The following HECTD4 variants were observed in gnomAD, a reference collection of about 807,000 sequenced individuals.
The protein encoded by HECTD4 is probable E3 ubiquitin-protein ligase HECTD4.
HECTD4 carries 114 observed loss-of-function variants against 471.5 expected under a neutral mutation model. That is an observed-to-expected ratio of 0.24 (90% confidence interval 0.21 to 0.28). The LOEUF is 0.28. Among genes scored for constraint, HECTD4 ranks in the 10% least tolerant of loss-of-function variants. The pLI is 1.00. For synonymous variants in HECTD4, 2,012 were observed against 2,256.0 expected, an observed-to-expected ratio of 0.89 and a Z score of 3.07; for missense variants, 3,866 against 5,651.5, an observed-to-expected ratio of 0.68 and a Z score of 10.13.
Position 112,163,457 on chromosome 12 carries a change from A to C in HECTD4, c.12897+85T>G. 8.1e-7 allele frequency: 1 copy of C among 1,230,218 alleles called. No homozygotes were observed. The highest frequency in any genetic ancestry group is 2.6e-5 in the East Asian group (1 of 38,370). 76.2% of individuals were successfully genotyped at this position (1,230,218 alleles called of 1,614,324 possible). ...ACAGAGCTGAGACAGGCCACTGCCGATGCCTGCTGCTGGAGTTGAGGGTGA... is the reference window on the plus strand; with the variant it reads ...ACAGAGCTGAGACAGGCCACTGCCGCTGCCTGCTGCTGGAGTTGAGGGTGA... On this transcript the variant is annotated intron_variant, in intron 74 of 75. Transcript: ENST00000682272. The surrounding 1 kb of genome is among the most constrained non-coding windows in gnomAD (Gnocchi z 8.2).
chr12:112,362,279 G>A (rs1254787099), intron 1 of HECTD4, among the ~76,000 whole-genome samples: 1 of 152,196 alleles, frequency 6.6e-6, no homozygotes, highest in East Asian at 1.9e-4. Flanking sequence ...TGCCCTGGGT[G>A]ATATCCTTGC....
chr12:112,321,489 G>A (rs369028723), intron 1 of HECTD4, among the ~76,000 whole-genome samples: 32 of 152,298 alleles, frequency 2.1e-4, no homozygotes, highest in African/African-American at 7.5e-4. Flanking sequence ...GAGGTGCCTG[G>A]TTCACAGTAG....
intron 1 of HECTD4, among the ~76,000 whole-genome samples, chr12:112,340,709 A>G (rs77377505): frequency 6.6e-6 from 1 of 152,190 alleles, no homozygotes; most frequent in Non-Finnish European, 1.5e-5. Flanking sequence ...CTATTGCCAT[A>G]TGACATTAAG....
At chr12:112,217,589 A>C (rs2032959257) in intron 45 of HECTD4, among the ~76,000 whole-genome samples, 1 of 152,246 alleles carries the variant, frequency 6.6e-6, no homozygotes, top group Non-Finnish European at 1.5e-5. Flanking sequence ...CCTGGGCTCA[A>C]GCTATCTGTC....
At chr12:112,171,644 T>C (rs2031226272) in intron 67 of HECTD4, among the ~76,000 whole-genome samples, 1 of 152,252 alleles carries the variant, frequency 6.6e-6, no homozygotes, top group Non-Finnish European at 1.5e-5. Flanking sequence ...CCAATGGTGA[T>C]GTCATATCAA....
intron 52 of HECTD4, among the ~76,000 whole-genome samples, chr12:112,205,460 C>A (rs1027472564): frequency 2.6e-5 from 4 of 152,022 alleles, no homozygotes; most frequent in African/African-American, 9.7e-5. Context: ...GTAGAAAAAA[C>A]CGAAGTGTTC....
Position 112,229,732 on chromosome 12 carries a change from A to T in HECTD4, c.6485T>A (p.Phe2162Tyr). Residue 2162 changes from phenylalanine (F) to tyrosine (Y), a missense_variant, in exon 41 of 76, where the codon TTC becomes TAC. Physicochemically the swap from Phe to Tyr is conservative, Grantham distance 22. Around this residue, in one of 16 missense-constraint regions of HECTD4, gnomAD observed 617 missense variants for 915.1 expected, o/e 0.67. Transcript: ENST00000682272. The part of the protein sequence containing the change: ...AVAALCALGG[F>Y]KETIKIGSEV... ...GGATCCTATCTTGATTGTCTCTTTG[A>T]AGCCTCCAAGTGCACACAGTGCGGC... 6.2e-7 allele frequency: 1 copy of T among 1,613,860 alleles called. No individual in the cohort carries two copies. Among genetic ancestry groups the T allele is most frequent in the Non-Finnish European group, 8.5e-7 (1 of 1,179,800 alleles).
At chr12:112,216,520 A>T in intron 47 of HECTD4, 149 bp from the exon 48 acceptor site, 1 of 683,030 alleles carries the variant, frequency 1.5e-6, no homozygotes, top group South Asian at 1.9e-5. Flanking sequence ...TACCCACACC[A>T]ATATTTCCCA....
At chr12:112,200,822 TG>T in intron 54 of HECTD4, 24 bp from the exon 55 acceptor site, 1 of 1,601,580 alleles carries the variant, frequency 6.2e-7, no homozygotes, top group Non-Finnish European at 8.5e-7. Flanking sequence ...AGAAAATGTC[TG>T]TTTGTGCTGT....
At position 112,229,693 on chromosome 12, in the gene HECTD4, G is replaced by A. The variant is rs538099327; in HGVS notation, c.6519+5C>T. 41 of 1,605,700 alleles carry A rather than the reference G, an allele frequency of 2.6e-5. No homozygotes were observed. Among genetic ancestry groups the A allele is most frequent in the Non-Finnish European group, 3.4e-5 (40 of 1,174,330 alleles). On this transcript the variant is annotated splice_donor_5th_base_variant and intron_variant, in intron 41 of 75. Coordinates refer to ENST00000682272, the MANE Select transcript of HECTD4 (RefSeq NM_001388303.1). The stretch of plus-strand genomic sequence containing the variant: ...CAATGATTTGGGGAACATGGTGGTT[G>A]GTACCTGAACCTCGGATCCTATCTT...
intron 72 of HECTD4, chr12:112,167,061 A>C: frequency 7.9e-6 from 3 of 380,238 alleles, no homozygotes; most frequent in Non-Finnish European, 9.4e-6. Context: ...TGGCCAGGCA[A>C]TGAGCACCAA....
Position 112,171,268 on chromosome 12 carries a change from G to T in HECTD4, c.11786-5C>A. The T allele has an allele frequency of 6.3e-7, 1 of 1,596,930 alleles. No individual in the cohort carries two copies. The highest frequency in any genetic ancestry group is 2.3e-5 in the East Asian group (1 of 44,152). ...GCAGGCTCTCGATGGGCACGTCTGA[G>T]GGCGCAGGAGCAGTCAGGCTGAGAT... On this transcript the variant is annotated splice_polypyrimidine_tract_variant and splice_region_variant and intron_variant, in intron 67 of 75. Coordinates refer to ENST00000682272, the MANE Select transcript of HECTD4 (RefSeq NM_001388303.1).
At chr12:112,323,201 G>A (rs1474230365) in intron 1 of HECTD4, 1 of 152,874 alleles carries the variant, frequency 6.5e-6, no homozygotes, top group African/African-American at 2.4e-5. Flanking sequence ...GTGAGACCTT[G>A]TCTCTAAAAA....
intron 7 of HECTD4, chr12:112,302,599 G>A: frequency 1.5e-6 from 1 of 656,032 alleles, no homozygotes. Context: ...CACTTTCTTG[G>A]CCTCCTGCTT....
At chr12:112,206,703 A>AT (rs1247174072) in intron 52 of HECTD4, among the ~76,000 whole-genome samples, 3 of 151,776 alleles carry the variant, frequency 2.0e-5, no homozygotes, top group African/African-American at 7.3e-5. Flanking sequence ...TGCCTGGCTA[A>AT]TTTTTTGTAT....
chr12:112,278,749 CG>C (rs1333346480), intron 9 of HECTD4, among the ~76,000 whole-genome samples: 2 of 152,098 alleles, frequency 1.3e-5, no homozygotes, highest in Admixed American at 6.5e-5. Context: ...AAAAATTAGC[CG>C]GGCATGGTGG....
intron 53 of HECTD4, 46 bp downstream of exon 53, chr12:112,204,440 C>A: frequency 6.4e-7 from 1 of 1,570,966 alleles, no homozygotes; most frequent in Non-Finnish European, 8.7e-7. Flanking sequence ...TTCAACCTCT[C>A]ATTTCATAGG....
chr12:112,266,870 A>AAAAGGACGGCTGTTCAAAGATAATT, intron 14 of HECTD4, 42 bp downstream of exon 14: 1 of 1,017,818 alleles, frequency 9.8e-7, no homozygotes, highest in East Asian at 2.6e-5. Context: ...TGGGGACAAA[A>AAAAGGACGGCTGTTCAAAGATAATT]AAAGGACGGC....
At position 112,217,169 on chromosome 12, in the gene HECTD4, C is replaced by A. The variant is rs201341174; in HGVS notation, c.7101G>T (p.Ser2367=). The change falls in exon 46 of 76, where the codon TCG becomes TCT. Residue 2367 remains serine (S), a synonymous_variant. Coordinates refer to ENST00000682272, the MANE Select transcript of HECTD4 (RefSeq NM_001388303.1). ...RQPKEITWSP[S]RVFPPVRACM... Reference sequence around the variant, plus strand: ...AGGCTCGAACAGGCGGAAACACTCGCGAGGGGCTCCAAGTAATCTCTTTGG... The same window carrying A: ...AGGCTCGAACAGGCGGAAACACTCGAGAGGGGCTCCAAGTAATCTCTTTGG... 164 of 1,530,120 alleles carry A rather than the reference C, an allele frequency of 1.1e-4. 2 individuals carry two copies. The South Asian group carries it at 2.1e-3, about 19-fold the overall frequency. The allele number at this position is 1,530,120 out of a possible 1,614,324, so 94.8% of individuals were successfully genotyped here.
Sources: gnomAD v4.1 joint callset for allele counts (sites outside exome capture counted in the v4.1 genomes callset) on GRCh38, gnomAD v4.1.1 for gene constraint, gnomAD v4.1.1 regional missense constraint, Gnocchi (gnomAD v3.1) non-coding constraint, MANE v1.5 for transcripts, NCBI Gene and HGNC (gene_info 2026-07-23, HGNC 2026-07-21) for gene names.